REST: variants seen among roughly 807,000 people sequenced by gnomAD.
The protein encoded by REST is RE1-silencing transcription factor.
In REST, 1 loss-of-function variant was observed where a neutral mutation model predicts 30.4. That is an observed-to-expected ratio of 0.03 (90% confidence interval 0.01 to 0.16). REST has a LOEUF of 0.16. Ranked by LOEUF, REST falls within the 10% of genes least tolerant of loss-of-function variation. The pLI is 1.00. For missense variants in REST, 1,259 were observed against 1,329.5 expected (o/e 0.95, Z 0.82); for synonymous variants, 504 against 451.1 (o/e 1.12, Z -1.49).
In REST at chr4:56,931,894, C is replaced by T. The variant is rs199586155; in HGVS notation, c.3036C>T (p.His1012=). The T allele has an allele frequency of 8.3e-4, 1,346 of 1,614,212 alleles. 20 individuals carry two copies. The South Asian group carries it at 0.014, about 17-fold the overall frequency. Residue 1012 remains histidine, a synonymous_variant, in exon 4 of 4, where the codon CAC becomes CAT. Transcript: ENST00000309042. ...SQEIDEDEGI[H]SHEGSDLSDN... is the part of the protein sequence containing the mutation. ...AAATTGATGAAGATGAAGGCATCCA[C>T]AGCCATGAAGGAAGTGACCTAAGTG... is the stretch of plus-strand genomic sequence containing the variant.
At chr4:56,912,487 G>A (rs1446684555) in intron 2 of REST, among the ~76,000 whole-genome samples, 1 of 151,420 alleles carries the variant, frequency 6.6e-6, no homozygotes, top group African/African-American at 2.4e-5. Flanking sequence ...CCGAGTAGCT[G>A]GGATTACAGG....
At chr4:56,927,784 C>T in intron 3 of REST, 1 of 229,408 alleles carries the variant, frequency 4.4e-6, no homozygotes, top group Middle Eastern at 4.6e-4. Context: ...TATTTGTGTG[C>T]CACTTCTCAT....
At chr4:56,912,879 C>T (rs370198657) in intron 2 of REST, among the ~76,000 whole-genome samples, 2 of 152,058 alleles carry the variant, frequency 1.3e-5, no homozygotes, top group African/African-American at 2.4e-5. Context: ...CTCCTGACCT[C>T]AGGTGATCTA....
At chr4:56,911,635 A>G in intron 2 of REST, 99 bp downstream of exon 2, 1 of 991,456 alleles carries the variant, frequency 1.0e-6, no homozygotes, top group East Asian at 2.4e-5. Context: ...TCTGGTTCAA[A>G]TCCAGGTTCC....
At chr4:56,909,272 G>C (rs1719784520) in intron 1 of REST, 1 of 152,386 alleles carries the variant, frequency 6.6e-6, no homozygotes, top group Non-Finnish European at 1.5e-5. Context: ...GAGCGCCCGA[G>C]TTTGCAAAGA....
intron 3 of REST, among the ~76,000 whole-genome samples, chr4:56,925,288 C>G (rs1197190452): frequency 6.6e-6 from 1 of 151,800 alleles, no homozygotes; most frequent in Admixed American, 6.6e-5. Context: ...GTATTTTTCA[C>G]TGCGGCTTTA....
intron 1 of REST, among the ~76,000 whole-genome samples, chr4:56,908,453 C>T (rs1719723782): frequency 6.6e-6 from 1 of 151,858 alleles, no homozygotes; most frequent in South Asian, 2.1e-4. Flanking sequence ...CAGCGCGTCG[C>T]CTGGACCCCC....
intron 3 of REST, among the ~76,000 whole-genome samples, chr4:56,922,056 G>T (rs559865306): frequency 2.0e-5 from 3 of 152,164 alleles, no homozygotes; most frequent in South Asian, 2.1e-4. Flanking sequence ...AGCCTTTCTT[G>T]ACCCTACGTG....
At position 56,910,721 on chromosome 4, in the gene REST, A is replaced by G; in HGVS notation, c.83A>G (p.Asn28Ser). The G allele has an allele frequency of 6.2e-7, 1 of 1,614,194 alleles. No homozygotes were observed. Among genetic ancestry groups the G allele is most frequent in the Non-Finnish European group, 8.5e-7 (1 of 1,180,054 alleles). Residue 28 changes from asparagine to serine, a missense_variant, in exon 2 of 4, where the codon AAC (asparagine) becomes AGC (serine). Physicochemically the swap from Asn to Ser is conservative, Grantham distance 46. This residue lies in a region of REST where 249 missense variants were observed against 251.5 expected (regional missense o/e 0.99). Transcript: ENST00000309042. ...GGCAACATTGGAATGGCCCTGCCTA[A>G]CGACATGTATGACTTGCATGACCTT... ...SSGNIGMALP[N>S]DMYDLHDLSK... is the part of the protein sequence containing the mutation.
chr4:56,916,442 G>A (rs934633950), intron 2 of REST, among the ~76,000 whole-genome samples: 3 of 152,116 alleles, frequency 2.0e-5, no homozygotes, highest in Non-Finnish European at 4.4e-5. Context: ...GATCACCTGA[G>A]GTTGGGAGTT....
In REST at chr4:56,933,568, G is replaced by A. The variant is rs963634429; in HGVS notation, c.*1416G>A. 11 of 152,140 alleles carry A rather than the reference G, an allele frequency of 7.2e-5. No homozygotes were observed. The highest frequency in any genetic ancestry group is 2.7e-4 in the African/African-American group (11 of 41,420). The allele number at this position is 152,140 out of a possible 1,614,324, so 9.4% of individuals were successfully genotyped here. ...TTCTCAGGGATCTCCACAAACTGGT[G>A]GGTGTCCTGGCTGTCTGTGTGATAG... On this transcript the variant is annotated 3_prime_UTR_variant, in exon 4 of 4. Coordinates refer to ENST00000309042, the MANE Select transcript of REST (RefSeq NM_005612.5).
At chr4:56,920,622 C>T (rs1035816774) in intron 3 of REST, among the ~76,000 whole-genome samples, 3 of 151,674 alleles carry the variant, frequency 2.0e-5, no homozygotes, top group South Asian at 2.1e-4. Flanking sequence ...ATTAGCCAGG[C>T]GTGGTGGCGC....
intron 2 of REST, among the ~76,000 whole-genome samples, chr4:56,914,088 C>T (rs552950248): frequency 1.3e-5 from 2 of 151,934 alleles, no homozygotes; most frequent in Non-Finnish European, 1.5e-5. Context: ...CGCATGCCAC[C>T]ACACCTGGCT....
Position 56,919,800 on chromosome 4 carries a change from T to C in REST, c.912T>C (p.Tyr304=). ...GAAATTTTGCAGGAGAACGCCCATA[T>C]AAATGTGAACTTTGTCCTTACTCAA... ...HVRTHTGERP[Y]KCELCPYSSS... The change falls in exon 3 of 4, where the codon TAT becomes TAC. Residue 304 remains tyrosine, a synonymous_variant. Transcript: ENST00000309042. 6.2e-7 allele frequency: 1 copy of C among 1,606,278 alleles called. No individual in the cohort carries two copies. The highest frequency in any genetic ancestry group is 8.5e-7 in the Non-Finnish European group (1 of 1,174,398).
chr4:56,927,386 AATTG>A (rs1720761298), intron 3 of REST, among the ~76,000 whole-genome samples: 1 of 152,216 alleles, frequency 6.6e-6, no homozygotes, highest in African/African-American at 2.4e-5. Context: ...CATGGAGAAG[AATTG>A]TCCAGTCAGC....
intron 1 of REST, 70 bp from the exon 2 acceptor site, chr4:56,910,560 C>T (rs574754077): frequency 1.5e-6 from 2 of 1,296,124 alleles, no homozygotes; most frequent in African/African-American, 1.5e-5. Flanking sequence ...AGAATTACAG[C>T]GATGTGGTTT....
chr4:56,912,132 A>G (rs961746407), intron 2 of REST, among the ~76,000 whole-genome samples: 9 of 152,228 alleles, frequency 5.9e-5, no homozygotes, highest in Non-Finnish European at 1.2e-4. Context: ...CATTTGACTT[A>G]TAGCATTGAG....
intron 3 of REST, among the ~76,000 whole-genome samples, chr4:56,926,086 GTC>G (rs1250861525): frequency 6.6e-6 from 1 of 152,170 alleles, no homozygotes; most frequent in Non-Finnish European, 1.5e-5. Flanking sequence ...TTGAGATGGA[GTC>G]TCACCCTGTC....
chr4:56,910,361 G>A (rs1719838080), intron 1 of REST, among the ~76,000 whole-genome samples: 1 of 152,200 alleles, frequency 6.6e-6, no homozygotes, highest in South Asian at 2.1e-4. Flanking sequence ...GGCACCACAT[G>A]CCAGTGGCTG....
Sources: allele counts gnomAD v4.1 joint callset (sites outside exome capture counted in the v4.1 genomes callset), GRCh38; gene constraint gnomAD v4.1.1; regional missense constraint gnomAD v4.1.1; transcripts MANE v1.5; gene names NCBI Gene and HGNC (gene_info 2026-07-23, HGNC 2026-07-21).